The following AKAP1 variants were observed in gnomAD, a reference collection of about 807,000 sequenced individuals.
AKAP1 encodes A-kinase anchor protein 1, mitochondrial.
AKAP1 carries 32 observed loss-of-function variants against 79.8 expected under a neutral mutation model. The ratio of observed to expected loss-of-function variants is 0.40; its 90% CI spans 0.30 to 0.54. The LOEUF is 0.54. Ranked by LOEUF, AKAP1 falls within the 20% of genes least tolerant of loss-of-function variation. The pLI is 0.47. For missense variants in AKAP1, 961 were observed against 1,138.9 expected (o/e 0.84, Z 2.25); for synonymous variants, 416 against 466.7 (o/e 0.89, Z 1.40).
intron 1 of AKAP1, among the ~76,000 whole-genome samples, chr17:57,097,978 T>C (rs2144668982): frequency 6.6e-6 from 1 of 152,342 alleles, no homozygotes; most frequent in East Asian, 1.9e-4. Flanking sequence ...CTCTGTACCA[T>C]TGCCAGGGAT....
At chr17:57,117,026 A>T in intron 8 of AKAP1, 99 bp downstream of exon 8, 1 of 1,239,780 alleles carries the variant, frequency 8.1e-7, no homozygotes, top group Non-Finnish European at 1.2e-6. Context: ...ATTTATGCTA[A>T]CATAAGTTGC....
intron 4 of AKAP1, among the ~76,000 whole-genome samples, 176 bp from the exon 5 acceptor site, chr17:57,112,315 G>T (rs149425258): frequency 3.3e-5 from 5 of 152,336 alleles, no homozygotes; most frequent in Non-Finnish European, 5.9e-5. Context: ...GGTATCATTT[G>T]AAAGGCTTAG....
intron 1 of AKAP1, chr17:57,093,022 C>T (rs2144641328): frequency 6.6e-6 from 1 of 152,504 alleles, no homozygotes; most frequent in Admixed American, 6.5e-5. Flanking sequence ...GCCACCTCTT[C>T]CAAGAGGCAT....
chr17:57,099,911 C>T (rs1056411710), intron 1 of AKAP1, among the ~76,000 whole-genome samples: 1 of 152,164 alleles, frequency 6.6e-6, no homozygotes, highest in Non-Finnish European at 1.5e-5. Flanking sequence ...TGTTGGGTCT[C>T]TACCTCACTG....
intron 1 of AKAP1, among the ~76,000 whole-genome samples, chr17:57,088,564 G>A (rs1013217296): frequency 6.6e-6 from 1 of 152,208 alleles, no homozygotes; most frequent in Non-Finnish European, 1.5e-5. Flanking sequence ...ACTAGGAAGC[G>A]TGGGTGTGGA....
Position 57,106,884 on chromosome 17 carries a change from T to C in AKAP1, c.1420T>C (p.Leu474=), listed in dbSNP as rs747695542. The change falls in exon 2 of 11, where the codon TTG becomes CTG. Residue 474 remains leucine, a synonymous_variant. Transcript: ENST00000337714. ...GGCACTGACCACCCCCAGTGAAGAG[T>C]TGCCGGACCGGGCAGGCATCCTGGT... is the stretch of plus-strand genomic sequence containing the variant. ...CLALTTPSEE[L]PDRAGILVED... is the part of the protein sequence containing the mutation. 8.7e-6 allele frequency: 14 copies of C among 1,613,732 alleles called. No homozygotes were observed. Among genetic ancestry groups the C allele is most frequent in the Non-Finnish European group, 1.1e-5 (13 of 1,179,706 alleles).
rs772279578 is a variant in AKAP1 at position 57,106,331 on chromosome 17, A to G, written c.867A>G (p.Pro289=). The change falls in exon 2 of 11, where the codon CCA becomes CCG. Residue 289 remains proline, a synonymous_variant. Transcript: ENST00000337714. The part of the protein sequence containing the change: ...LAKDDAAPAP[P]VADAKAQDRG... ...AGGACGATGCGGCGCCAGCACCCCC[A>G]GTCGCAGACGCCAAAGCCCAGGATA... 3 of 1,614,108 alleles carry G rather than the reference A, an allele frequency of 1.9e-6. No homozygotes were observed. In the South Asian group the frequency reaches 3.3e-5, roughly 18 times the overall value.
At position 57,107,117 on chromosome 17, in the gene AKAP1, G is replaced by A; in HGVS notation, c.1653G>A (p.Glu551=). 5 of 1,610,468 alleles carry A rather than the reference G, an allele frequency of 3.1e-6. No individual in the cohort carries two copies. Among genetic ancestry groups the A allele is most frequent in the Non-Finnish European group, 4.2e-6 (5 of 1,177,536 alleles). Residue 551 remains glutamate, a synonymous_variant, in exon 2 of 11, where the codon GAG becomes GAA. Transcript: ENST00000337714. ...TCAGCAATGGGGTGCTGAAGGGGGA[G>A]TTGTCAGACTTGGGGGCTGAGGATG... ...VPFSNGVLKG[E]LSDLGAEDGW...
chr17:57,105,845 C>G lies in AKAP1; in HGVS notation c.381C>G (p.Asp127Glu). ...TGCGACCAGGAACACGCAGAGATGA[C>G]AGTACAAAGCTGGAGCTAGCCCTGA... is the stretch of plus-strand genomic sequence containing the variant. ...MRLRPGTRRD[D>E]STKLELALTG... is the part of the protein sequence containing the mutation. Residue 127 changes from aspartate (D) to glutamate (E), a missense_variant, in exon 2 of 11, where the codon GAC becomes GAG. Physicochemically the swap from Asp to Glu is conservative, Grantham distance 45. This residue lies in a region of AKAP1 where 224 missense variants were observed against 210.2 expected (regional missense o/e 1.07). Transcript: ENST00000337714. The G allele has an allele frequency of 6.2e-7, 1 of 1,614,196 alleles. No individual in the cohort carries two copies. The highest frequency in any genetic ancestry group is 1.1e-5 in the South Asian group (1 of 91,082).
intron 1 of AKAP1, among the ~76,000 whole-genome samples, chr17:57,088,689 G>A (rs533717496): frequency 3.5e-4 from 54 of 152,348 alleles, no homozygotes; most frequent in Admixed American, 3.2e-3. Flanking sequence ...TTAACATTGT[G>A]TGTGTTATCA....
chr17:57,118,490 CTGGG>C (rs1240223374), intron 9 of AKAP1, 36 bp downstream of exon 9: 1 of 1,609,672 alleles, frequency 6.2e-7, no homozygotes, highest in South Asian at 1.1e-5. Flanking sequence ...GGCAGGCTGG[CTGGG>C]TTCTTGGGAA....
chr17:57,098,840 C>CA (rs1336603679), intron 1 of AKAP1, among the ~76,000 whole-genome samples: 1 of 149,840 alleles, frequency 6.7e-6, no homozygotes, highest in Admixed American at 6.7e-5. Flanking sequence ...CAGCTCACTG[C>CA]AAGCTCCGCC....
intron 5 of AKAP1, among the ~76,000 whole-genome samples, chr17:57,113,626 A>G (rs1470789936): frequency 8.5e-6 from 1 of 117,864 alleles, no homozygotes; most frequent in African/African-American, 3.5e-5. Context: ...TTTTTGAGAC[A>G]GAGTCTCACT....
intron 4 of AKAP1, among the ~76,000 whole-genome samples, chr17:57,112,255 C>T (rs770970066): frequency 9.9e-5 from 15 of 152,202 alleles, no homozygotes; most frequent in Non-Finnish European, 2.1e-4. Flanking sequence ...GGCATTTTCA[C>T]AGCTGCCTGC....
intron 1 of AKAP1, among the ~76,000 whole-genome samples, chr17:57,100,341 T>G (rs751393609): frequency 3.3e-5 from 5 of 151,946 alleles, no homozygotes; most frequent in Non-Finnish European, 5.9e-5. Context: ...ATCCCAGCAG[T>G]TTTTGAGGCC....
intron 3 of AKAP1, 127 bp from the exon 4 acceptor site, chr17:57,111,671 A>G (rs764099786): frequency 3.9e-5 from 48 of 1,216,182 alleles, no homozygotes; most frequent in Non-Finnish European, 5.5e-5. Context: ...GTCCTGGAAA[A>G]TAAATGCTGA....
chr17:57,116,821 C>T, intron 7 of AKAP1, 39 bp from the exon 8 acceptor site: 1 of 1,588,230 alleles, frequency 6.3e-7, no homozygotes, highest in Non-Finnish European at 8.6e-7. Context: ...AGTCAGCCTT[C>T]ATGTCCACAT....
rs772687720 is a variant in AKAP1 at position 57,106,323 on chromosome 17, G to A, written c.859G>A (p.Ala287Thr). The change falls in exon 2 of 11, where the codon GCA becomes ACA. Residue 287 changes from alanine (A) to threonine (T), a missense_variant. Coordinates refer to ENST00000337714, the MANE Select transcript of AKAP1 (RefSeq NM_003488.4). Reference sequence around the variant, plus strand: ...GCTGGCAAAGGACGATGCGGCGCCAGCACCCCCAGTCGCAGACGCCAAAGC... The same window carrying A: ...GCTGGCAAAGGACGATGCGGCGCCAACACCCCCAGTCGCAGACGCCAAAGC... ...TELAKDDAAP[A>T]PPVADAKAQD... The A allele has an allele frequency of 2.5e-5, 41 of 1,614,182 alleles. No individual in the cohort carries two copies. The East Asian group carries it at 2.7e-4, about 11-fold the overall frequency.
intron 7 of AKAP1, among the ~76,000 whole-genome samples, chr17:57,116,597 C>G (rs79140672): frequency 0.067 from 10,260 of 152,142 alleles, 380 homozygotes; most frequent in Non-Finnish European, 0.077. Flanking sequence ...GACCTCATCT[C>G]TACAACATCA....
Sources: allele counts gnomAD v4.1 joint callset (sites outside exome capture counted in the v4.1 genomes callset), GRCh38; gene constraint gnomAD v4.1.1; regional missense constraint gnomAD v4.1.1; transcripts MANE v1.5; gene names NCBI Gene and HGNC (gene_info 2026-07-23, HGNC 2026-07-21).